GSK3B: variants seen among roughly 807,000 people sequenced by gnomAD.
GSK3B encodes glycogen synthase kinase 3 beta.
A neutral mutation model predicts 56.4 loss-of-function variants in GSK3B; 15 were observed. The ratio of observed to expected loss-of-function variants is 0.27; its 90% CI spans 0.18 to 0.41. GSK3B has a LOEUF of 0.41. GSK3B is among the 10% of genes least tolerant of loss of function. The pLI, the probability that GSK3B is intolerant of heterozygous loss-of-function variation, is 1.00. For synonymous variants in GSK3B, 181 were observed against 188.9 expected, an observed-to-expected ratio of 0.96 and a Z score of 0.34; for missense variants, 300 against 513.4, an observed-to-expected ratio of 0.58 and a Z score of 4.02.
intron 2 of GSK3B, among the ~76,000 whole-genome samples, chr3:119,961,100 C>T (rs546155721): frequency 6.6e-6 from 1 of 152,120 alleles, no homozygotes; most frequent in South Asian, 2.1e-4. Context: ...GCCCCCACCC[C>T]TCAAAACACA....
At chr3:120,020,104 T>TAA (rs2057863359) in intron 1 of GSK3B, among the ~76,000 whole-genome samples, 1 of 152,256 alleles carries the variant, frequency 6.6e-6, no homozygotes, top group Non-Finnish European at 1.5e-5. Flanking sequence ...CAATTTTAAC[T>TAA]GTTGCGAAGA....
At chr3:120,077,841 T>G (rs1443264837) in intron 1 of GSK3B, among the ~76,000 whole-genome samples, 1 of 144,640 alleles carries the variant, frequency 6.9e-6, no homozygotes, top group Non-Finnish European at 1.5e-5. Context: ...AAAATTTTCT[T>G]CCTTTACTTC....
chr3:120,091,029 G>T (rs113920109), intron 1 of GSK3B, among the ~76,000 whole-genome samples: 375 of 152,052 alleles, frequency 2.5e-3, no homozygotes, highest in Non-Finnish European at 4.3e-3. Context: ...TTTAACATCA[G>T]TCCTAATACA....
chr3:120,050,632 G>C (rs749778205), intron 1 of GSK3B, among the ~76,000 whole-genome samples: 1 of 152,180 alleles, frequency 6.6e-6, no homozygotes, highest in Non-Finnish European at 1.5e-5. Context: ...CATTTACCAA[G>C]ATAGAGAGGA....
At chr3:119,871,290 T>C (rs1243691559) in intron 8 of GSK3B, among the ~76,000 whole-genome samples, 1 of 152,212 alleles carries the variant, frequency 6.6e-6, no homozygotes, top group African/African-American at 2.4e-5. Context: ...ATGAAGCATA[T>C]TGACAGTGTT....
At chr3:120,021,978 T>C (rs975805474) in intron 1 of GSK3B, among the ~76,000 whole-genome samples, 1 of 152,176 alleles carries the variant, frequency 6.6e-6, no homozygotes, top group Non-Finnish European at 1.5e-5. Flanking sequence ...AGATGATCAC[T>C]TGAGTCTAAG....
intron 2 of GSK3B, among the ~76,000 whole-genome samples, chr3:119,952,604 CAA>C (rs780041028): frequency 1.5e-5 from 2 of 135,154 alleles, no homozygotes; most frequent in Admixed American, 7.4e-5. Flanking sequence ...TTGAAGCCAC[CAA>C]AAAAAAAAAC....
intron 1 of GSK3B, chr3:120,028,947 T>C (rs888881955): frequency 1.1e-5 from 6 of 560,394 alleles, no homozygotes; most frequent in Non-Finnish European, 1.3e-5. Context: ...GCACAAGTGG[T>C]GAAGCATACA....
Position 120,094,398 on chromosome 3 carries a change from G to GCGGCGGCGGCAC in GSK3B, c.-976_-965dup, listed in dbSNP as rs1232761867. On this transcript the variant is annotated 5_prime_UTR_variant, in exon 1 of 11. Transcript: ENST00000264235. ...TCACTTGGCCCGGGCGGCGGCGGCG[G>GCGGCGGCGGCAC]CGGCGGCGGCACAAGCCCGCATTCG... 1 of 326,568 alleles carries GCGGCGGCGGCAC rather than the reference G, an allele frequency of 3.1e-6. No homozygotes were observed. The highest frequency in any genetic ancestry group is 5.6e-6 in the Non-Finnish European group (1 of 177,192). The allele number at this position is 326,568 out of a possible 1,614,324, so 20.2% of individuals were successfully genotyped here.
chr3:119,857,708 G>A (rs1028147184), intron 9 of GSK3B, among the ~76,000 whole-genome samples: 10 of 152,142 alleles, frequency 6.6e-5, no homozygotes, highest in South Asian at 2.1e-4. Flanking sequence ...CAAATGTTCC[G>A]AATGACATCT....
chr3:119,974,397 C>T (rs141895753), intron 2 of GSK3B, among the ~76,000 whole-genome samples: 11 of 152,130 alleles, frequency 7.2e-5, no homozygotes, highest in Non-Finnish European at 1.3e-4. Flanking sequence ...GGTGATCATG[C>T]TATGAGGACT....
chr3:119,907,443 C>T (rs568795615), intron 6 of GSK3B, among the ~76,000 whole-genome samples: 3 of 152,164 alleles, frequency 2.0e-5, no homozygotes, highest in African/African-American at 7.2e-5. Context: ...ATACTAGCAG[C>T]CCTCAATTCA....
chr3:120,019,964 A>G (rs920269210), intron 1 of GSK3B, among the ~76,000 whole-genome samples: 1 of 152,372 alleles, frequency 6.6e-6, no homozygotes, highest in African/African-American at 2.4e-5. Flanking sequence ...TTACATATTT[A>G]CTAAACTTAC....
intron 1 of GSK3B, among the ~76,000 whole-genome samples, chr3:120,090,813 TG>T (rs2058506097): frequency 6.6e-6 from 1 of 152,202 alleles, no homozygotes; most frequent in Non-Finnish European, 1.5e-5. Flanking sequence ...CAATCAAACT[TG>T]TACAGAACCC....
At chr3:119,948,013 A>T (rs1205366529) in intron 2 of GSK3B, among the ~76,000 whole-genome samples, 1 of 152,228 alleles carries the variant, frequency 6.6e-6, no homozygotes, top group East Asian at 1.9e-4. Context: ...TAATATGATG[A>T]TTTCTTAATA....
chr3:119,848,862 T>C (rs963650056), intron 9 of GSK3B, among the ~76,000 whole-genome samples: 2 of 152,084 alleles, frequency 1.3e-5, no homozygotes, highest in African/African-American at 2.4e-5. Context: ...AATGAGAAAA[T>C]TTAGTCCAGC....
intron 9 of GSK3B, among the ~76,000 whole-genome samples, chr3:119,859,847 A>T (rs1157122613): frequency 6.6e-6 from 1 of 152,066 alleles, no homozygotes; most frequent in Non-Finnish European, 1.5e-5. Flanking sequence ...CTCTCAATTA[A>T]ACAGTTCCCC....
At chr3:119,838,656 T>G (rs1463504594) in intron 10 of GSK3B, among the ~76,000 whole-genome samples, 1 of 152,182 alleles carries the variant, frequency 6.6e-6, no homozygotes, top group Non-Finnish European at 1.5e-5. Flanking sequence ...AAAATGGAGA[T>G]TCCACAATGT....
intron 1 of GSK3B, among the ~76,000 whole-genome samples, chr3:120,027,516 C>T (rs988718934): frequency 2.6e-5 from 4 of 152,040 alleles, no homozygotes; most frequent in East Asian, 1.9e-4. Flanking sequence ...TTCATTAAGG[C>T]ATTATTTACC....
Sources: allele counts gnomAD v4.1 joint callset (sites outside exome capture counted in the v4.1 genomes callset), GRCh38; gene constraint gnomAD v4.1.1; transcripts MANE v1.5; gene names NCBI Gene and HGNC (gene_info 2026-07-23, HGNC 2026-07-21).